The following PTCD2 variants were observed in gnomAD, a reference collection of about 807,000 sequenced individuals.
The protein encoded by PTCD2 is pentatricopeptide repeat-containing protein 2, mitochondrial.
Under a neutral mutation model 42.6 loss-of-function variants are expected in PTCD2, and 31 were observed. The observed-to-expected ratio is 0.73, with a 90% CI of 0.55 to 0.98. The LOEUF (loss-of-function observed/expected upper bound fraction) is 0.98, where lower values mean the gene tolerates loss of function less well. Among genes scored for constraint, PTCD2 ranks in the 50% least tolerant of loss-of-function variants. The pLI is 0.00. For missense variants in PTCD2, 476 were observed against 454.8 expected (o/e 1.05, Z -0.42); for synonymous variants, 183 against 170.9 (o/e 1.07, Z -0.55).
In PTCD2 at chr5:72,363,595, G is replaced by A. The variant is rs1753139432; in HGVS notation, c.*5168G>A. On this transcript the variant is annotated 3_prime_UTR_variant, in exon 10 of 10. Transcript: ENST00000380639. ...AAATAATGTGCTGATGCAGTGTTGG[G>A]CCCAGCAGGCCTTTTAGAGGGTCAT... The A allele has an allele frequency of 6.6e-6, 1 of 152,178 alleles. No individual in the cohort carries two copies. The allele number at this position is 152,178 out of a possible 1,614,324, so 9.4% of individuals were successfully genotyped here.
chr5:72,344,836 T>C (rs1230276034), intron 8 of PTCD2, among the ~76,000 whole-genome samples: 1 of 150,570 alleles, frequency 6.6e-6, no homozygotes, highest in Admixed American at 6.6e-5. Context: ...GGGGAGGGAG[T>C]GTATGAATAG....
chr5:72,350,566 T>TC (rs2112217475), intron 8 of PTCD2, among the ~76,000 whole-genome samples: 1 of 152,346 alleles, frequency 6.6e-6, no homozygotes, highest in East Asian at 1.9e-4. Flanking sequence ...GCTTTTGCTC[T>TC]CAAGGCATGC....
intron 9 of PTCD2, among the ~76,000 whole-genome samples, chr5:72,356,806 C>T (rs538404490): frequency 2.4e-4 from 37 of 152,276 alleles, no homozygotes; most frequent in African/African-American, 8.7e-4. Flanking sequence ...AGTGCTTAAG[C>T]TGCTTGTCTG....
At chr5:72,344,883 G>A (rs1446410865) in intron 8 of PTCD2, among the ~76,000 whole-genome samples, 1 of 152,172 alleles carries the variant, frequency 6.6e-6, no homozygotes, top group Non-Finnish European at 1.5e-5. Context: ...TCACAAGGTA[G>A]TAGAATATCA....
intron 2 of PTCD2, among the ~76,000 whole-genome samples, chr5:72,324,945 C>G (rs1236863216): frequency 6.6e-6 from 1 of 150,562 alleles, no homozygotes; most frequent in Admixed American, 6.6e-5. Flanking sequence ...TTTTCTGAGA[C>G]AGAGTCTTGC....
rs1019587939 is a variant in PTCD2, at chr5:72,358,143, T to C, written c.943-60T>C. 8.6e-6 allele frequency: 12 copies of C among 1,397,560 alleles called. No individual in the cohort carries two copies. The African/African-American group carries it at 1.7e-4, about 20-fold the overall frequency. The allele number at this position is 1,397,560 out of a possible 1,614,324, so 86.6% of individuals were successfully genotyped here. On this transcript the variant is annotated intron_variant, in intron 9 of 9. Transcript: ENST00000380639. ...TGTCCATTTCTTTTTCTTAGGGTTA[T>C]AGTAAGAATAAGGAAGAAATCTTGC...
chr5:72,332,082 C>A (rs1465760699), intron 4 of PTCD2, among the ~76,000 whole-genome samples: 1 of 152,150 alleles, frequency 6.6e-6, no homozygotes, highest in Non-Finnish European at 1.5e-5. Context: ...GCTTAGACTG[C>A]TTTTCATGAG....
intron 8 of PTCD2, among the ~76,000 whole-genome samples, chr5:72,348,486 A>G: frequency 6.6e-6 from 1 of 152,226 alleles, no homozygotes; most frequent in Non-Finnish European, 1.5e-5. Flanking sequence ...AGTGTGACCC[A>G]GAGGGCCCAG....
In PTCD2 at chr5:72,338,710, T is replaced by G. The variant is rs1263656267; in HGVS notation, c.728T>G (p.Phe243Cys). ...ATTCTCTCCAGGAGAGCATCCTGTT[T>G]CGCTGTGGCATTAGCTCTGAATCAG... The part of the protein sequence containing the change: ...GEILSRRASC[F>C]AVALALNQNE... Residue 243 changes from phenylalanine (F) to cysteine (C), a missense_variant, in exon 7 of 10, where the codon TTC becomes TGC. Physicochemically the swap from Phe to Cys is radical, Grantham distance 205. Coordinates refer to ENST00000380639, the MANE Select transcript of PTCD2 (RefSeq NM_024754.5). 1 of 1,610,468 alleles carries G rather than the reference T, an allele frequency of 6.2e-7. No individual in the cohort carries two copies. The highest frequency in any genetic ancestry group is 1.1e-5 in the South Asian group (1 of 90,950).
intron 6 of PTCD2, among the ~76,000 whole-genome samples, 171 bp downstream of exon 6, chr5:72,336,056 G>A (rs1407261076): frequency 6.6e-6 from 1 of 152,188 alleles, no homozygotes; most frequent in Non-Finnish European, 1.5e-5. Flanking sequence ...GCCATATCAG[G>A]CAGTTTTATG....
rs376601757 is a variant in PTCD2 at position 72,355,116 on chromosome 5, A to G, written c.942+2362A>G. Among the ~76,000 whole-genome samples, 4 of 152,234 alleles carry G rather than the reference A, an allele frequency of 2.6e-5. No individual in the cohort carries two copies. In the East Asian group the frequency reaches 5.8e-4, roughly 22 times the overall value. ...ATTTCTTTTTCAGATCTTTTTTTATAGAAATACTGCTGTTTTTGTATGTAA... is the reference window on the plus strand; with the variant it reads ...ATTTCTTTTTCAGATCTTTTTTTATGGAAATACTGCTGTTTTTGTATGTAA... On this transcript the variant is annotated intron_variant, in intron 9 of 9. Transcript: ENST00000380639.
chr5:72,346,717 A>G (rs186054389), intron 8 of PTCD2, among the ~76,000 whole-genome samples: 5 of 152,360 alleles, frequency 3.3e-5, no homozygotes, highest in Admixed American at 2.6e-4. Context: ...GGATATGGAC[A>G]GCTCTGGTAT....
intron 8 of PTCD2, among the ~76,000 whole-genome samples, chr5:72,345,572 C>T (rs1436828134): frequency 1.3e-5 from 2 of 152,174 alleles, no homozygotes; most frequent in African/African-American, 4.8e-5. Context: ...AGAGTAAAGA[C>T]AGTAAAGACA....
chr5:72,328,847 T>A (rs542516707), intron 3 of PTCD2, among the ~76,000 whole-genome samples: 196 of 152,332 alleles, frequency 1.3e-3, no homozygotes, highest in African/African-American at 4.6e-3. Flanking sequence ...TTCACCAGTA[T>A]AAATAATGTC....
chr5:72,326,431 A>G (rs1196751936), intron 2 of PTCD2, among the ~76,000 whole-genome samples, 181 bp from the exon 3 acceptor site: 1 of 152,186 alleles, frequency 6.6e-6, no homozygotes, highest in Admixed American at 6.5e-5. Context: ...CCTGTGACAG[A>G]TGCCATCTGC....
intron 3 of PTCD2, among the ~76,000 whole-genome samples, chr5:72,329,298 C>T (rs1013764671): frequency 6.6e-6 from 1 of 152,232 alleles, no homozygotes; most frequent in Non-Finnish European, 1.5e-5. Flanking sequence ...TTCTCTTTCT[C>T]CCTGAGTCAG....
intron 4 of PTCD2, among the ~76,000 whole-genome samples, chr5:72,331,831 A>G (rs1046680838): frequency 1.3e-5 from 2 of 152,232 alleles, no homozygotes; most frequent in African/African-American, 4.8e-5. Context: ...TAAAAACAAA[A>G]GTAAATAATT....
rs765952809 is a variant in PTCD2, at chr5:72,358,415, G to A, written c.1155G>A (p.Leu385=). The change falls in exon 10 of 10, where the codon CTG becomes CTA. Residue 385 remains leucine (L), a synonymous_variant. Transcript: ENST00000380639. ...RRTFQPLSQS[L]LAE is the part of the protein sequence containing the mutation. ...CCTTCCAGCCACTCAGCCAGTCCCT[G>A]TTGGCTGAGTAACCCTGGTTTCAGT... 6.8e-6 allele frequency: 11 copies of A among 1,611,944 alleles called. No individual in the cohort carries two copies. Among genetic ancestry groups the A allele is most frequent in the Non-Finnish European group, 9.3e-6 (11 of 1,178,674 alleles).
chr5:72,336,500 A>G (rs1360842918), intron 6 of PTCD2, among the ~76,000 whole-genome samples: 1 of 152,174 alleles, frequency 6.6e-6, no homozygotes, highest in Non-Finnish European at 1.5e-5. Context: ...CGTATGTGAC[A>G]TGAAAATGAA....
Sources: allele counts gnomAD v4.1 joint callset (sites outside exome capture counted in the v4.1 genomes callset), GRCh38; gene constraint gnomAD v4.1.1; transcripts MANE v1.5; gene names NCBI Gene and HGNC (gene_info 2026-07-23, HGNC 2026-07-21).